Variants in NOS3 observed in about 807,000 individuals in gnomAD.
NOS3 encodes NOS type III.
A neutral mutation model predicts 144.9 loss-of-function variants in NOS3; 98 were observed. That is an observed-to-expected ratio of 0.68 (90% CI 0.57 to 0.80). The LOEUF is 0.80. NOS3 is among the 30% of genes least tolerant of loss of function. NOS3 has a pLI of 0.00. For missense variants in NOS3, 1,465 were observed against 1,656.4 expected (o/e 0.88, Z 2.01); for synonymous variants, 714 against 702.4 (o/e 1.02, Z -0.26).
At chr7:150,992,921 C>T (rs3918161) in intron 1 of NOS3, among the ~76,000 whole-genome samples, 9 of 152,192 alleles carry the variant, frequency 5.9e-5, no homozygotes, top group African/African-American at 2.2e-4. Context: ...GTGTACCCCA[C>T]CTGCATTCTG....
At chr7:150,996,349 C>T in intron 3 of NOS3, 55 bp from the exon 4 acceptor site, 1 of 370,886 alleles carries the variant, frequency 2.7e-6, no homozygotes, top group Non-Finnish European at 4.7e-6. Flanking sequence ...GCCCCCAACT[C>T]CCATCCCACC....
At position 151,001,410 on chromosome 7, in the gene NOS3, G is replaced by A. The variant is rs765452417; in HGVS notation, c.1413G>A (p.Pro471=). 6.0e-5 allele frequency: 95 copies of A among 1,589,506 alleles called. 1 individual carries two copies. The highest frequency in any genetic ancestry group is 4.6e-5 in the South Asian group (4 of 87,196). The change falls in exon 11 of 27, where the codon CCG becomes CCA. Residue 471 remains proline (P), a synonymous_variant. Coordinates refer to ENST00000297494, the MANE Select transcript of NOS3 (RefSeq NM_000603.5). ...AGATGGTCAACTATTTCCTGTCCCC[G>A]GCCTTCCGCTACCAGGTGCCCACCC... ...HQEMVNYFLS[P]AFRYQPDPWK...
intron 1 of NOS3, among the ~76,000 whole-genome samples, chr7:150,992,046 C>T (rs1430955237): frequency 3.3e-5 from 5 of 150,938 alleles, no homozygotes; most frequent in South Asian, 4.2e-4. Context: ...CTGTCGTCCT[C>T]GGGAGGCTGA....
intron 17 of NOS3, among the ~76,000 whole-genome samples, chr7:151,007,718 T>C (rs535033419): frequency 1.3e-3 from 201 of 152,354 alleles, no homozygotes; most frequent in African/African-American, 4.6e-3. Context: ...CCAGACAGCC[T>C]GGGGCGGTGC....
intron 15 of NOS3, 36 bp from the exon 16 acceptor site, chr7:151,006,853 C>T (rs2117127892): frequency 6.6e-7 from 1 of 1,526,498 alleles, no homozygotes; most frequent in African/African-American, 1.4e-5. Flanking sequence ...ATCCCCAGGG[C>T]CCTGTGACAA....
In NOS3 at chr7:151,001,752, T is replaced by C. The variant is rs1454548280; in HGVS notation, c.1503-69T>C. 7 of 1,601,440 alleles carry C rather than the reference T, an allele frequency of 4.4e-6. No individual in the cohort carries two copies. The African/African-American group carries it at 8.0e-5, about 18-fold the overall frequency. On this transcript the variant is annotated intron_variant, in intron 12 of 26. Coordinates refer to ENST00000297494, the MANE Select transcript of NOS3 (RefSeq NM_000603.5). ...ATCCCAAAACCCTGTTGTGAGGGGG[T>C]TGGACCCTTGCCTGGGGAGGCCCTG... is the stretch of plus-strand genomic sequence containing the variant.
At chr7:151,004,209 C>T (rs1256180413) in intron 14 of NOS3, among the ~76,000 whole-genome samples, 1 of 152,090 alleles carries the variant, frequency 6.6e-6, no homozygotes, top group African/African-American at 2.4e-5. Flanking sequence ...TGGTGGCGCA[C>T]GCCTATAGTC....
Position 151,003,325 on chromosome 7 carries a change from C to T in NOS3, c.1752+1021C>T, listed in dbSNP as rs1327680155. On this transcript the variant is annotated intron_variant, in intron 14 of 26. Transcript: ENST00000297494. The surrounding 1 kb of genome is among the most constrained non-coding windows in gnomAD (Gnocchi z 4.1). ...ATTTTTTATAGAGATGGGGTTTCGC[C>T]ATGTTGCCCAGGCTGGTCTCTAACT... 1 of 694,618 alleles carries T rather than the reference C, an allele frequency of 1.4e-6. No individual in the cohort carries two copies. The highest frequency in any genetic ancestry group is 2.2e-6 in the Non-Finnish European group (1 of 451,638). 43.0% of individuals were successfully genotyped at this position (694,618 alleles called of 1,614,324 possible). A position where few individuals can be genotyped will look rare whatever the true frequency, so the allele number is the denominator to read the frequency against.
At position 151,002,331 on chromosome 7, in the gene NOS3, T is replaced by C; in HGVS notation, c.1752+27T>C. On this transcript the variant is annotated intron_variant, in intron 14 of 26. Transcript: ENST00000297494. The surrounding 1 kb of genome is among the most constrained non-coding windows in gnomAD (Gnocchi z 4.1). ...TGAGAACTTCCAGGAAAGGGGCTGC[T>C]GGGAATGAGGAGAGACTCAGAATTG... is the stretch of plus-strand genomic sequence containing the variant. 7.8e-7 allele frequency: 1 copy of C among 1,285,154 alleles called. No individual in the cohort carries two copies. The highest frequency in any genetic ancestry group is 1.1e-6 in the Non-Finnish European group (1 of 910,004). The allele number at this position is 1,285,154 out of a possible 1,614,324, so 79.6% of individuals were successfully genotyped here. A position where few individuals can be genotyped will look rare whatever the true frequency, so the allele number is the denominator to read the frequency against.
Position 151,014,171 on chromosome 7 carries a change from A to T in NOS3, c.*2A>T. ...GGCTCAGACACCAACAGCCCCTGAG[A>T]GCCGCCTGGCTTTCCCTTCCAGTTC... On this transcript the variant is annotated 3_prime_UTR_variant, in exon 27 of 27. Coordinates refer to ENST00000297494, the MANE Select transcript of NOS3 (RefSeq NM_000603.5). 7 of 1,596,706 alleles carry T rather than the reference A, an allele frequency of 4.4e-6. No individual in the cohort carries two copies. The highest frequency in any genetic ancestry group is 6.0e-6 in the Non-Finnish European group (7 of 1,168,268).
intron 12 of NOS3, 92 bp from the exon 13 acceptor site, chr7:151,001,729 C>A: frequency 6.3e-7 from 1 of 1,584,434 alleles, no homozygotes; most frequent in Non-Finnish European, 8.7e-7. Context: ...CACTCAGTAT[C>A]CCAAAACCCT....
intron 4 of NOS3, 99 bp downstream of exon 4, chr7:150,996,651 C>T (rs2117104995): frequency 6.7e-7 from 1 of 1,492,752 alleles, no homozygotes; most frequent in Non-Finnish European, 9.1e-7. Context: ...CAGATCCTAA[C>T]ACCACGTGGG....
In NOS3 at chr7:151,013,277, C is replaced by T; in HGVS notation, c.3153C>T (p.Ser1051=). The T allele has an allele frequency of 1.2e-6, 2 of 1,614,040 alleles. No individual in the cohort carries two copies. The highest frequency in any genetic ancestry group is 1.7e-6 in the Non-Finnish European group (2 of 1,179,992). The change falls in exon 25 of 27, where the codon TCC becomes TCT. Residue 1051 remains serine, a synonymous_variant. Coordinates refer to ENST00000297494, the MANE Select transcript of NOS3 (RefSeq NM_000603.5). ...CTTTGGTGTTCGGCTGCCGATGCTC[C>T]CAACTTGACCATCTCTACCGCGACG... ...PMTLVFGCRC[S]QLDHLYRDEV...
At position 150,996,859 on chromosome 7, in the gene NOS3, C is replaced by T. The variant is rs145711802; in HGVS notation, c.516C>T (p.Phe172=). ...AGCTTAGGGAGAGCGAGCTGGTGTT[C>T]GGGGCTAAGCAGGCCTGGCGCAACG... ...TYQLRESELV[F]GAKQAWRNAP... Residue 172 remains phenylalanine, a synonymous_variant, in exon 5 of 27, where the codon TTC becomes TTT. Coordinates refer to ENST00000297494, the MANE Select transcript of NOS3 (RefSeq NM_000603.5). The T allele has an allele frequency of 3.1e-6, 5 of 1,597,468 alleles. No homozygotes were observed. Among genetic ancestry groups the T allele is most frequent in the Non-Finnish European group, 3.4e-6 (4 of 1,173,042 alleles).
chr7:151,002,407 C>T lies in NOS3; in HGVS notation c.1752+103C>T, dbSNP rs1342208831. On this transcript the variant is annotated intron_variant, in intron 14 of 26. Transcript: ENST00000297494. The surrounding 1 kb of genome is among the most constrained non-coding windows in gnomAD (Gnocchi z 4.1). ...CAACACACACACACACACACACACA[C>T]ACACACACACACACACACACACACA... 2.2e-6 allele frequency: 1 copy of T among 455,364 alleles called. No homozygotes were observed. Among genetic ancestry groups the T allele is most frequent in the African/African-American group, 2.4e-5 (1 of 40,910 alleles). 28.2% of individuals were successfully genotyped at this position (455,364 alleles called of 1,614,324 possible).
At chr7:151,006,700 A>C (rs561993605) in intron 15 of NOS3, among the ~76,000 whole-genome samples, 189 bp from the exon 16 acceptor site, 1 of 152,304 alleles carries the variant, frequency 6.6e-6, no homozygotes, top group East Asian at 1.9e-4. Context: ...AGGTCTTCAG[A>C]GATGGGGGTG....
rs1005176525 is a variant in NOS3, at chr7:150,993,465, C to T, written c.-51-288C>T. Among the ~76,000 whole-genome samples, 7 of 152,168 alleles carry T rather than the reference C, an allele frequency of 4.6e-5. No individual in the cohort carries two copies. The highest frequency in any genetic ancestry group is 1.7e-4 in the African/African-American group (7 of 41,450). ...CACATCACAGAAGGACCTTTATGAC[C>T]CCCTGGTGGCTCTACCCTGCCACTC... On this transcript the variant is annotated intron_variant, in intron 1 of 26. Transcript: ENST00000297494. The surrounding 1 kb of genome is among the most constrained non-coding windows in gnomAD (Gnocchi z 4.0).
intron 23 of NOS3, 143 bp from the exon 24 acceptor site, chr7:151,012,208 G>GTTGTGGT: frequency 4.6e-6 from 3 of 658,372 alleles, no homozygotes; most frequent in Admixed American, 3.0e-5. Flanking sequence ...AGCAAGTAGA[G>GTTGTGGT]TTGTTTTTTG....
chr7:151,006,827 G>T lies in NOS3; in HGVS notation c.1821-62G>T, dbSNP rs2853796. ...CCCTGAAGCCGTCCCTGGGGCTGGG[G>T]CTGGGCCTAGCCTGTATCCCCAGGG... On this transcript the variant is annotated intron_variant, in intron 15 of 26. Coordinates refer to ENST00000297494, the MANE Select transcript of NOS3 (RefSeq NM_000603.5). The T allele has an allele frequency of 0.54, 724,541 of 1,336,704 alleles. 197,840 individuals are homozygous for T. Among genetic ancestry groups the T allele is most frequent in the Admixed American group, 0.66 (39,001 of 59,458 alleles). 82.8% of individuals were successfully genotyped at this position (1,336,704 alleles called of 1,614,324 possible). A position where few individuals can be genotyped will look rare whatever the true frequency, so the allele number is the denominator to read the frequency against.
Sources: gnomAD v4.1 joint callset for allele counts (sites outside exome capture counted in the v4.1 genomes callset) on GRCh38, gnomAD v4.1.1 for gene constraint, Gnocchi (gnomAD v3.1) non-coding constraint, MANE v1.5 for transcripts, NCBI Gene and HGNC (gene_info 2026-07-23, HGNC 2026-07-21) for gene names.